Variants in SPTBN4 observed in about 807,000 individuals in gnomAD.
The protein encoded by SPTBN4 is spectrin beta chain, non-erythrocytic 4.
Under a neutral mutation model 277.8 loss-of-function variants are expected in SPTBN4, and 96 were observed. The ratio of observed to expected loss-of-function variants is 0.35; its 90% CI spans 0.29 to 0.41. The LOEUF is 0.41. Among genes scored for constraint, SPTBN4 ranks in the 10% least tolerant of loss-of-function variants. The pLI, the probability that SPTBN4 is intolerant of heterozygous loss-of-function variation, is 1.00. For synonymous variants in SPTBN4, 1,481 were observed against 1,580.3 expected, an observed-to-expected ratio of 0.94 and a Z score of 1.49; for missense variants, 3,006 against 3,595.7, an observed-to-expected ratio of 0.84 and a Z score of 4.19.
intron 1 of SPTBN4, among the ~76,000 whole-genome samples, chr19:40,471,780 C>T (rs1320805606): frequency 2.6e-5 from 4 of 152,092 alleles, no homozygotes; most frequent in African/African-American, 9.7e-5. Context: ...GCTCTGCTGC[C>T]CAGGCTGGAG....
At position 40,560,752 on chromosome 19, in the gene SPTBN4, A is replaced by G; in HGVS notation, c.5915+349A>G. On this transcript the variant is annotated intron_variant, in intron 27 of 35. Transcript: ENST00000598249. This position sits in a 1 kb window ranked among gnomAD's most constrained non-coding sequence, Gnocchi z 5.2. ...GTGGGTGAAGAATTCTAACAATTCC[A>G]GCATCTCAGTGGCTTCATTAGTGGG... 7.6e-7 allele frequency: 1 copy of G among 1,324,122 alleles called. No individual in the cohort carries two copies. Among genetic ancestry groups the G allele is most frequent in the East Asian group, 3.2e-5 (1 of 31,014 alleles). 82.0% of individuals were successfully genotyped at this position (1,324,122 alleles called of 1,614,324 possible). A position where few individuals can be genotyped will look rare whatever the true frequency, so the allele number is the denominator to read the frequency against.
chr19:40,517,861 C>T (rs534045806), intron 15 of SPTBN4, among the ~76,000 whole-genome samples: 1 of 152,148 alleles, frequency 6.6e-6, no homozygotes. Flanking sequence ...GGTCACATGG[C>T]AAATCTGGCC....
chr19:40,491,065 A>C (rs541815723), intron 4 of SPTBN4, among the ~76,000 whole-genome samples: 2 of 152,142 alleles, frequency 1.3e-5, no homozygotes, highest in Admixed American at 6.5e-5. Flanking sequence ...CTACCCAGAA[A>C]AATACAGATT....
In SPTBN4 at chr19:40,535,804, G is replaced by A. The variant is rs541604787; in HGVS notation, c.4359+1461G>A. On this transcript the variant is annotated intron_variant, in intron 20 of 35. Coordinates refer to ENST00000598249, the MANE Select transcript of SPTBN4 (RefSeq NM_020971.3). The stretch of plus-strand genomic sequence containing the variant: ...ACAAAAAAATTAGCTGGGCATGGTG[G>A]TGCACGCCTGTAATCCTAGCTACTC... Among the ~76,000 whole-genome samples the A allele has an allele frequency of 2.6e-5, 4 of 152,122 alleles. No homozygotes were observed. The East Asian group carries it at 7.8e-4, about 30-fold the overall frequency.
Position 40,557,165 on chromosome 19 carries a change from G to C in SPTBN4, c.5432G>C (p.Gly1811Ala). The C allele has an allele frequency of 1.9e-6, 3 of 1,611,266 alleles. No homozygotes were observed. Among genetic ancestry groups the C allele is most frequent in the Non-Finnish European group, 2.5e-6 (3 of 1,177,844 alleles). Residue 1811 changes from glycine to alanine, a missense_variant, in exon 26 of 36, where the codon GGA (glycine) becomes GCA (alanine). Around this residue, in one of 5 missense-constraint regions of SPTBN4, gnomAD observed 425 missense variants for 594.7 expected, o/e 0.71. Coordinates refer to ENST00000598249, the MANE Select transcript of SPTBN4 (RefSeq NM_020971.3). ...AAATMAEWKD[G>A]LNEAWAELLE... is the part of the protein sequence containing the mutation. ...GCCACCATGGCCGAGTGGAAGGACG[G>C]ACTGAACGAGGCCTGGGCTGAGCTG...
intron 20 of SPTBN4, among the ~76,000 whole-genome samples, chr19:40,548,714 CAA>C (rs57692095): frequency 5.1e-5 from 6 of 117,000 alleles, no homozygotes; most frequent in Admixed American, 8.9e-5. Context: ...GACTCCATCT[CAA>C]AAAAAAAAAA....
At chr19:40,536,494 G>A (rs1443069479) in intron 20 of SPTBN4, among the ~76,000 whole-genome samples, 1 of 152,002 alleles carries the variant, frequency 6.6e-6, no homozygotes, top group Non-Finnish European at 1.5e-5. Context: ...GATTACAGGT[G>A]TGAGCCACTG....
chr19:40,568,388 A>C lies in SPTBN4; in HGVS notation c.6956+106A>C. The C allele has an allele frequency of 3.6e-6, 5 of 1,407,236 alleles. No individual in the cohort carries two copies. In the South Asian group the frequency reaches 7.7e-5, roughly 22 times the overall value. 87.2% of individuals were successfully genotyped at this position (1,407,236 alleles called of 1,614,324 possible). On this transcript the variant is annotated intron_variant, in intron 31 of 35. Coordinates refer to ENST00000598249, the MANE Select transcript of SPTBN4 (RefSeq NM_020971.3). Reference sequence around the variant, plus strand: ...GGCTTCAGGGCTCAGAACTTCCCAAAGAAGGAGATATCGCCGCGGTACCCA... The same window carrying C: ...GGCTTCAGGGCTCAGAACTTCCCAACGAAGGAGATATCGCCGCGGTACCCA...
chr19:40,511,018 A>AAAAT (rs567401157), intron 13 of SPTBN4, among the ~76,000 whole-genome samples: 254 of 151,996 alleles, frequency 1.7e-3, no homozygotes, highest in Non-Finnish European at 2.5e-3. Context: ...CCCTATCTCT[A>AAAAT]AAATAAATAA....
intron 7 of SPTBN4, among the ~76,000 whole-genome samples, chr19:40,499,183 C>G (rs931055373): frequency 7.5e-5 from 11 of 147,088 alleles, no homozygotes; most frequent in African/African-American, 2.5e-4. Context: ...TGCACGCCAC[C>G]AAGCCTGGCT....
intron 20 of SPTBN4, among the ~76,000 whole-genome samples, chr19:40,543,573 G>A (rs2080824041): frequency 6.6e-6 from 1 of 151,992 alleles, no homozygotes; most frequent in Non-Finnish European, 1.5e-5. Flanking sequence ...CTTGAGTTTG[G>A]GGTTTTGTTT....
Position 40,519,644 on chromosome 19 carries a change from T to C in SPTBN4, c.3147T>C (p.Ala1049=). Reference sequence around the variant, plus strand: ...TTCTGGAGGAGGCAGCCCTGCTGGCTGAGCGCTTCCCGGCGCAGGCGGCGC... The same window carrying C: ...TTCTGGAGGAGGCAGCCCTGCTGGCCGAGCGCTTCCCGGCGCAGGCGGCGC... ...AALLEEAALL[A]ERFPAQAARL... is the part of the protein sequence containing the mutation. Residue 1049 remains alanine, a synonymous_variant, in exon 16 of 36, where the codon GCT becomes GCC. Transcript: ENST00000598249. This position sits in a 1 kb window ranked among gnomAD's most constrained non-coding sequence, Gnocchi z 5.7. The C allele has an allele frequency of 7.1e-7, 1 of 1,408,396 alleles. No individual in the cohort carries two copies. Among genetic ancestry groups the C allele is most frequent in the South Asian group, 1.5e-5 (1 of 65,032 alleles). 87.2% of individuals were successfully genotyped at this position (1,408,396 alleles called of 1,614,324 possible). A position where few individuals can be genotyped will look rare whatever the true frequency, so the allele number is the denominator to read the frequency against.
At chr19:40,535,560 CAAA>C (rs56829015) in intron 20 of SPTBN4, among the ~76,000 whole-genome samples, 20 of 115,888 alleles carry the variant, frequency 1.7e-4, no homozygotes, top group Non-Finnish European at 2.6e-4. Context: ...TAGTGTATGG[CAAA>C]AAAAAAAAAA....
chr19:40,504,137 C>CT lies in SPTBN4; in HGVS notation c.1665+5_1665+6insT, dbSNP rs1555813692. The stretch of plus-strand genomic sequence containing the variant: ...GACTGGATGGAGGAGATGCAGGTGC[C>CT]GGCGGGGGGGCGGGGATGCGGGTGG... On this transcript the variant is annotated splice_donor_region_variant and intron_variant, in intron 12 of 35. Transcript: ENST00000598249. 490 of 585,184 alleles carry CT rather than the reference C, an allele frequency of 8.4e-4. 13 individuals carry two copies. Among genetic ancestry groups the CT allele is most frequent in the Middle Eastern group, 2.0e-3 (4 of 2,020 alleles). 36.2% of individuals were successfully genotyped at this position (585,184 alleles called of 1,614,324 possible).
At chr19:40,488,678 C>T (rs907796845) in intron 3 of SPTBN4, among the ~76,000 whole-genome samples, 8 of 152,012 alleles carry the variant, frequency 5.3e-5, no homozygotes, top group African/African-American at 1.9e-4. Context: ...GGCGTGGTGG[C>T]GCAGGCCTGT....
intron 1 of SPTBN4, among the ~76,000 whole-genome samples, chr19:40,467,669 C>T (rs1050389139): frequency 6.6e-6 from 1 of 151,814 alleles, no homozygotes; most frequent in Non-Finnish European, 1.5e-5. Context: ...CACCCCTTCC[C>T]GGCTTCCCTA....
chr19:40,475,337 C>T (rs1405168905), intron 2 of SPTBN4, among the ~76,000 whole-genome samples: 1 of 152,136 alleles, frequency 6.6e-6, no homozygotes, highest in African/African-American at 2.4e-5. Context: ...TATAGATGAT[C>T]ATAATCATGA....
intron 20 of SPTBN4, among the ~76,000 whole-genome samples, chr19:40,541,800 A>G (rs906829970): frequency 6.6e-5 from 10 of 152,184 alleles, no homozygotes; most frequent in Non-Finnish European, 1.5e-4. Context: ...GCTGGAGTGC[A>G]GTGGCGCGAT....
chr19:40,572,432 T>C lies in SPTBN4; in HGVS notation c.7536+52T>C, dbSNP rs149420783. The C allele has an allele frequency of 1.9e-6, 3 of 1,607,444 alleles. No individual in the cohort carries two copies. The African/African-American group carries it at 4.0e-5, about 21-fold the overall frequency. On this transcript the variant is annotated intron_variant, in intron 35 of 35. Transcript: ENST00000598249. ...GTGTGGACCTCAGTAATGACCTGGC[T>C]GTCTGGCTCCTGACCCAGAGTGATG...
Sources: allele counts gnomAD v4.1 joint callset (sites outside exome capture counted in the v4.1 genomes callset), GRCh38; gene constraint gnomAD v4.1.1; regional missense constraint gnomAD v4.1.1; non-coding constraint Gnocchi (gnomAD v3.1); transcripts MANE v1.5; gene names NCBI Gene and HGNC (gene_info 2026-07-23, HGNC 2026-07-21).